ASIC2: variants seen among roughly 807,000 people sequenced by gnomAD.
ASIC2 encodes the protein acid-sensing ion channel 2.
In ASIC2, 25 loss-of-function variants were observed where a neutral mutation model predicts 57.3. The ratio of observed to expected loss-of-function variants is 0.44; its 90% CI spans 0.32 to 0.61. ASIC2 has a LOEUF of 0.61. Ranked by LOEUF, ASIC2 falls within the 20% of genes least tolerant of loss-of-function variation. ASIC2 has a pLI of 0.06. For synonymous variants in ASIC2, 319 were observed against 307.5 expected (o/e 1.04, Z -0.39); for missense variants, 641 against 738.1 (o/e 0.87, Z 1.52).
intron 1 of ASIC2, among the ~76,000 whole-genome samples, chr17:33,667,581 G>A (rs1050507984): frequency 5.3e-5 from 8 of 152,166 alleles, no homozygotes; most frequent in African/African-American, 1.9e-4. Flanking sequence ...TTGGATTTTG[G>A]TTCTGGCTCT....
intron 1 of ASIC2, among the ~76,000 whole-genome samples, chr17:33,877,633 A>C (rs1597912976): frequency 6.6e-6 from 1 of 152,210 alleles, no homozygotes; most frequent in Non-Finnish European, 1.5e-5. Flanking sequence ...GGTGGAGCCC[A>C]CTGCAGCTCA....
intron 1 of ASIC2, among the ~76,000 whole-genome samples, chr17:33,758,133 A>G (rs1283002719): frequency 6.6e-6 from 1 of 152,212 alleles, no homozygotes; most frequent in East Asian, 1.9e-4. Flanking sequence ...GCTGAAGATC[A>G]TGTAGCAATA....
intron 1 of ASIC2, among the ~76,000 whole-genome samples, chr17:33,387,777 A>G (rs1211577155): frequency 1.3e-5 from 2 of 152,254 alleles, no homozygotes; most frequent in African/African-American, 4.8e-5. Flanking sequence ...TGTATACTTG[A>G]AATTTGCTAA....
chr17:33,431,296 C>T (rs1464715172), intron 1 of ASIC2, among the ~76,000 whole-genome samples: 1 of 152,020 alleles, frequency 6.6e-6, no homozygotes, highest in Non-Finnish European at 1.5e-5. Context: ...AAGTTGAGTA[C>T]AATAGGGATG....
At chr17:33,598,049 C>T (rs1488994863) in intron 1 of ASIC2, among the ~76,000 whole-genome samples, 1 of 152,170 alleles carries the variant, frequency 6.6e-6, no homozygotes, top group African/African-American at 2.4e-5. Context: ...TCCATGCTGA[C>T]AGGTTAAAAA....
At chr17:34,060,741 A>C (rs1057115333) in intron 1 of ASIC2, among the ~76,000 whole-genome samples, 1 of 152,182 alleles carries the variant, frequency 6.6e-6, no homozygotes, top group African/African-American at 2.4e-5. Context: ...CAAGTAGAAG[A>C]AAGAAATTCA....
chr17:33,804,766 T>C (rs1390279916), intron 1 of ASIC2, among the ~76,000 whole-genome samples: 1 of 152,246 alleles, frequency 6.6e-6, no homozygotes, highest in African/African-American at 2.4e-5. Flanking sequence ...GTCTCCTGGA[T>C]TTGGGATCTT....
chr17:33,459,792 A>G (rs1046554073), intron 1 of ASIC2, among the ~76,000 whole-genome samples: 1 of 152,190 alleles, frequency 6.6e-6, no homozygotes, highest in Non-Finnish European at 1.5e-5. Context: ...TGGTCTCTCT[A>G]GGTGGTTTCC....
chr17:33,784,608 C>G (rs1911550724), intron 1 of ASIC2, among the ~76,000 whole-genome samples: 1 of 152,108 alleles, frequency 6.6e-6, no homozygotes, highest in African/African-American at 2.4e-5. Flanking sequence ...ATCATTGCAA[C>G]AAAATTATAA....
intron 1 of ASIC2, among the ~76,000 whole-genome samples, chr17:33,332,942 T>C (rs1462076153): frequency 2.6e-5 from 4 of 152,186 alleles, no homozygotes; most frequent in South Asian, 2.1e-4. Context: ...ACAGAAATTA[T>C]AGCAGCATGC....
At chr17:33,121,134 C>A (rs1056041656) in intron 1 of ASIC2, among the ~76,000 whole-genome samples, 2 of 152,190 alleles carry the variant, frequency 1.3e-5, no homozygotes, top group Admixed American at 1.3e-4. Flanking sequence ...TGGCTTGGAT[C>A]GTGCATAAGC....
chr17:33,497,740 T>G (rs1339958539), intron 1 of ASIC2, among the ~76,000 whole-genome samples: 1 of 152,170 alleles, frequency 6.6e-6, no homozygotes, highest in Non-Finnish European at 1.5e-5. Flanking sequence ...GGAAGGATAC[T>G]CAACTTACTT....
chr17:33,767,332 T>C (rs1454623492), intron 1 of ASIC2, among the ~76,000 whole-genome samples: 1 of 152,232 alleles, frequency 6.6e-6, no homozygotes, highest in Non-Finnish European at 1.5e-5. Context: ...ATGTACCTTA[T>C]GATGTTGAAG....
intron 1 of ASIC2, chr17:34,039,649 C>T (rs1266626945): frequency 1.9e-6 from 3 of 1,613,138 alleles, no homozygotes; most frequent in Non-Finnish European, 1.7e-6. Flanking sequence ...AGTGCCTTTC[C>T]CTTGGCTACT....
At chr17:33,882,382 A>G (rs1914722494) in intron 1 of ASIC2, among the ~76,000 whole-genome samples, 1 of 152,248 alleles carries the variant, frequency 6.6e-6, no homozygotes, top group South Asian at 2.1e-4. Context: ...GCTAATATCC[A>G]GAATCTACAA....
chr17:33,324,736 G>A lies in ASIC2; in HGVS notation c.556-212669C>T, dbSNP rs992405866. ...TAAGAGAGGAGCCCAGGGATCAGTC[G>A]TTCTAACAGCATCTTTGACAGCACA... On this transcript the variant is annotated intron_variant, in intron 1 of 9. Transcript: ENST00000359872. Among the ~76,000 whole-genome samples, 9 of 152,198 alleles carry A rather than the reference G, an allele frequency of 5.9e-5. 1 individual carries two copies. Among genetic ancestry groups the A allele is most frequent in the Non-Finnish European group, 2.9e-5 (2 of 68,018 alleles).
intron 1 of ASIC2, among the ~76,000 whole-genome samples, chr17:33,312,476 G>T (rs529733091): frequency 7.2e-5 from 11 of 152,206 alleles, no homozygotes; most frequent in Non-Finnish European, 1.2e-4. Flanking sequence ...AGCCAATATG[G>T]CAGACATCAG....
At chr17:34,046,889 A>T (rs1908358753) in intron 1 of ASIC2, among the ~76,000 whole-genome samples, 1 of 152,168 alleles carries the variant, frequency 6.6e-6, no homozygotes, top group Non-Finnish European at 1.5e-5. Context: ...CAGCTGAACC[A>T]CATATACCTT....
At chr17:33,067,528 CACA>C (rs1473829249) in intron 3 of ASIC2, among the ~76,000 whole-genome samples, 2 of 152,160 alleles carry the variant, frequency 1.3e-5, no homozygotes, top group African/African-American at 2.4e-5. Flanking sequence ...GACAGAGCAT[CACA>C]ACAAGTATGA....
Sources: allele counts gnomAD v4.1 joint callset (sites outside exome capture counted in the v4.1 genomes callset), GRCh38; gene constraint gnomAD v4.1.1; transcripts MANE v1.5; gene names NCBI Gene and HGNC (gene_info 2026-07-23, HGNC 2026-07-21).